The following ZNF385D variants were observed in gnomAD, a reference collection of about 807,000 sequenced individuals.
ZNF385D encodes the protein zinc finger protein 385D.
In ZNF385D, 15 loss-of-function variants were observed where a neutral mutation model predicts 35.8. The ratio of observed to expected loss-of-function variants is 0.42; its 90% CI spans 0.28 to 0.64. ZNF385D has a LOEUF of 0.64. Ranked by LOEUF, ZNF385D falls within the 30% of genes least tolerant of loss-of-function variation. ZNF385D has a pLI of 0.23. For missense variants in ZNF385D, 474 were observed against 494.6 expected (o/e 0.96, Z 0.39); for synonymous variants, 212 against 186.8 (o/e 1.13, Z -1.10).
At chr3:21,481,211 C>T (rs1840957) in intron 4 of ZNF385D, among the ~76,000 whole-genome samples, 31,406 of 152,104 alleles carry the variant, frequency 0.21, 3,397 homozygotes, top group East Asian at 0.25. Context: ...ATCAGAGTCA[C>T]CTCAGTGGTT....
rs2064509045 is a variant in ZNF385D at position 21,607,197 on chromosome 3, A to G, written c.166-42513T>C. ...TATATAGATACACATACAAATATAT[A>G]TATAGAAAAACTAATACGATATTAA... On this transcript the variant is annotated intron_variant, in intron 2 of 7. Coordinates refer to ENST00000281523, the MANE Select transcript of ZNF385D (RefSeq NM_024697.3). Among the ~76,000 whole-genome samples, 5 of 152,308 alleles carry G rather than the reference A, an allele frequency of 3.3e-5. 1 individual carries two copies. In the South Asian group the frequency reaches 1.0e-3, roughly 32 times the overall value.
intron 2 of ZNF385D, among the ~76,000 whole-genome samples, chr3:22,235,607 G>C (rs183087421): frequency 1.6e-3 from 243 of 152,012 alleles, no homozygotes; most frequent in African/African-American, 5.6e-3. Context: ...CAAGTAAAAA[G>C]GTCAAATGAT....
At chr3:21,807,689 T>C (rs1575685825) in intron 3 of ZNF385D, among the ~76,000 whole-genome samples, 2 of 152,284 alleles carry the variant, frequency 1.3e-5, no homozygotes, top group African/African-American at 2.4e-5. Context: ...AAATGTTTCT[T>C]AGAAACTTTG....
chr3:21,743,058 C>A (rs895467168), intron 1 of ZNF385D, among the ~76,000 whole-genome samples: 2 of 152,098 alleles, frequency 1.3e-5, no homozygotes, highest in Admixed American at 1.3e-4. Context: ...TATTATTATT[C>A]TCCTTTTACA....
chr3:21,532,543 C>T (rs163486), intron 3 of ZNF385D, among the ~76,000 whole-genome samples: 118,108 of 152,002 alleles, frequency 0.78, 46,008 homozygotes, highest in East Asian at 0.89. Context: ...TTGTCTCCAA[C>T]GTAAATTTCA....
At chr3:21,499,969 A>C (rs1220649363) in intron 4 of ZNF385D, among the ~76,000 whole-genome samples, 3 of 152,218 alleles carry the variant, frequency 2.0e-5, no homozygotes, top group African/African-American at 7.2e-5. Context: ...AGTTGGATAC[A>C]TAGTCAATCC....
intron 2 of ZNF385D, among the ~76,000 whole-genome samples, chr3:21,570,086 TAAAA>T (rs909927873): frequency 1.3e-5 from 2 of 148,630 alleles, no homozygotes; most frequent in Non-Finnish European, 3.0e-5. Context: ...AATTACACCT[TAAAA>T]AAAAAGAATT....
chr3:21,995,122 G>A (rs1352704696), intron 3 of ZNF385D, among the ~76,000 whole-genome samples: 1 of 152,364 alleles, frequency 6.6e-6, no homozygotes, highest in Non-Finnish European at 1.5e-5. Context: ...TATATCAGTA[G>A]CATCAATAAG....
intron 3 of ZNF385D, among the ~76,000 whole-genome samples, chr3:21,542,154 T>C (rs578192381): frequency 6.6e-6 from 1 of 152,320 alleles, no homozygotes; most frequent in Admixed American, 6.5e-5. Flanking sequence ...TAATTGCACT[T>C]ATTTACTTCC....
At chr3:21,768,779 T>C (rs900352594) in intron 3 of ZNF385D, among the ~76,000 whole-genome samples, 26 of 152,054 alleles carry the variant, frequency 1.7e-4, no homozygotes, top group Middle Eastern at 3.4e-3. Flanking sequence ...CCGTCCCCCA[T>C]TGAAATGAGT....
In ZNF385D at chr3:21,980,980, A is replaced by G. The variant is rs377603315; in HGVS notation, c.325+187837T>C. Among the ~76,000 whole-genome samples, 51 of 152,208 alleles carry G rather than the reference A, an allele frequency of 3.4e-4. No individual in the cohort carries two copies. The East Asian group carries it at 8.7e-3, about 26-fold the overall frequency. On this transcript the variant is annotated intron_variant, in intron 3 of 5. Transcript: ENST00000494108. Reference sequence around the variant, plus strand: ...TCCAATCTGTCTTTAGTAGGCATTTAGTTTGATTCCATGTCTTTGCTATTG... The same window carrying G: ...TCCAATCTGTCTTTAGTAGGCATTTGGTTTGATTCCATGTCTTTGCTATTG...
intron 3 of ZNF385D, among the ~76,000 whole-genome samples, chr3:22,093,042 C>T (rs1019220928): frequency 4.6e-5 from 7 of 152,122 alleles, no homozygotes; most frequent in African/African-American, 1.4e-4. Context: ...AGCTCCCACA[C>T]CCTAAAGTGG....
chr3:21,774,737 G>T (rs535723921), intron 3 of ZNF385D, among the ~76,000 whole-genome samples: 1 of 151,986 alleles, frequency 6.6e-6, no homozygotes, highest in African/African-American at 2.4e-5. Context: ...AGAATAACAT[G>T]ATTTTGGCTT....
chr3:21,719,389 G>C (rs2068446920), intron 1 of ZNF385D, among the ~76,000 whole-genome samples: 1 of 152,320 alleles, frequency 6.6e-6, no homozygotes, highest in Admixed American at 6.5e-5. Flanking sequence ...AGCAACCCTG[G>C]TGACTGTAGA....
At chr3:21,918,755 G>T (rs1185850857) in intron 3 of ZNF385D, among the ~76,000 whole-genome samples, 1 of 152,122 alleles carries the variant, frequency 6.6e-6, no homozygotes, top group African/African-American at 2.4e-5. Context: ...TTTATTGGCA[G>T]AAGTGTGCAG....
At chr3:22,200,227 C>T (rs1031131440) in intron 2 of ZNF385D, among the ~76,000 whole-genome samples, 6 of 151,946 alleles carry the variant, frequency 3.9e-5, no homozygotes, top group South Asian at 2.1e-4. Flanking sequence ...GCAAGATTAT[C>T]GGGGAACATG....
At chr3:22,022,906 G>A (rs1697308838) in intron 3 of ZNF385D, among the ~76,000 whole-genome samples, 1 of 152,088 alleles carries the variant, frequency 6.6e-6, no homozygotes, top group African/African-American at 2.4e-5. Context: ...ATTTAGCACG[G>A]AAGGCAAATA....
chr3:21,606,411 C>T (rs891999211), intron 2 of ZNF385D, among the ~76,000 whole-genome samples: 2 of 152,156 alleles, frequency 1.3e-5, no homozygotes, highest in African/African-American at 4.8e-5. Context: ...TATTAGTGCC[C>T]TGACTGATCC....
At chr3:21,804,851 T>C (rs2072565193) in intron 3 of ZNF385D, among the ~76,000 whole-genome samples, 1 of 93,412 alleles carries the variant, frequency 1.1e-5, no homozygotes, top group African/African-American at 4.6e-5. Context: ...TGTTTTCCCT[T>C]ATATACTTTA....
Sources: gnomAD v4.1 joint callset for allele counts (sites outside exome capture counted in the v4.1 genomes callset) on GRCh38, gnomAD v4.1.1 for gene constraint, MANE v1.5 for transcripts, NCBI Gene and HGNC (gene_info 2026-07-23, HGNC 2026-07-21) for gene names.